The following ACSS3 variants were observed in gnomAD, a reference collection of about 807,000 sequenced individuals.
ACSS3 encodes acyl-CoA synthetase short chain family member 3, also known as acyl-CoA synthetase short-chain family member 3, mitochondrial.
In ACSS3, 64 loss-of-function variants were observed where a neutral mutation model predicts 84.2. That is an observed-to-expected ratio of 0.76 (90% CI 0.62 to 0.94). The LOEUF (loss-of-function observed/expected upper bound fraction) is 0.94. ACSS3 is among the 40% of genes least tolerant of loss of function. The pLI, the probability that ACSS3 is intolerant of heterozygous loss-of-function variation, is 0.00. For synonymous variants in ACSS3, 317 were observed against 310.1 expected (o/e 1.02, Z -0.23); for missense variants, 815 against 867.6 (o/e 0.94, Z 0.76).
intron 15 of ACSS3, 82 bp downstream of exon 15, chr12:81,253,752 G>A (rs1005306424): frequency 1.9e-5 from 26 of 1,401,022 alleles, no homozygotes; most frequent in Non-Finnish European, 2.1e-5. Context: ...CTTAAAAATG[G>A]TTCTCAAATG....
intron 7 of ACSS3, among the ~76,000 whole-genome samples, chr12:81,152,978 C>A (rs1886685373): frequency 1.3e-5 from 2 of 151,958 alleles, no homozygotes; most frequent in African/African-American, 4.8e-5. Context: ...AAATACTTAC[C>A]ATGTGCAATG....
intron 11 of ACSS3, among the ~76,000 whole-genome samples, chr12:81,225,417 G>C (rs192853669): frequency 1.1e-3 from 172 of 151,832 alleles, no homozygotes; most frequent in Middle Eastern, 3.4e-3. Context: ...TTGCTTTTCA[G>C]ACTGATCCTC....
chr12:81,223,151 C>G (rs902279954), intron 11 of ACSS3, among the ~76,000 whole-genome samples: 9 of 151,996 alleles, frequency 5.9e-5, no homozygotes, highest in East Asian at 1.9e-4. Context: ...GTTATTAAAG[C>G]CATAGGTCTC....
At chr12:81,197,578 A>T (rs549264041) in intron 8 of ACSS3, among the ~76,000 whole-genome samples, 3 of 152,170 alleles carry the variant, frequency 2.0e-5, no homozygotes, top group African/African-American at 7.2e-5. Context: ...GTGATTTTTA[A>T]TACTATCTTG....
intron 1 of ACSS3, among the ~76,000 whole-genome samples, chr12:81,093,464 CA>C (rs11308483): frequency 0.33 from 45,865 of 140,808 alleles, 7,115 homozygotes; most frequent in Admixed American, 0.45. Flanking sequence ...CCACCGCCAC[CA>C]AAAAAAAAAA....
chr12:81,254,311 T>C (rs1035172853), intron 15 of ACSS3, among the ~76,000 whole-genome samples: 1 of 152,180 alleles, frequency 6.6e-6, no homozygotes, highest in Non-Finnish European at 1.5e-5. Flanking sequence ...AAAAGGTACA[T>C]TTTCCTTATT....
At chr12:81,101,234 T>A (rs1187804475) in intron 1 of ACSS3, among the ~76,000 whole-genome samples, 1 of 152,176 alleles carries the variant, frequency 6.6e-6, no homozygotes, top group African/African-American at 2.4e-5. Flanking sequence ...TTTTATTTGA[T>A]TATAATTAAG....
At chr12:81,215,337 A>G (rs1383534345) in intron 9 of ACSS3, among the ~76,000 whole-genome samples, 1 of 152,044 alleles carries the variant, frequency 6.6e-6, no homozygotes, top group Non-Finnish European at 1.5e-5. Flanking sequence ...CTCAGCAGTG[A>G]CCATATGGCT....
chr12:81,159,359 TAA>T (rs1372222079), intron 7 of ACSS3, among the ~76,000 whole-genome samples: 1 of 151,986 alleles, frequency 6.6e-6, no homozygotes, highest in Non-Finnish European at 1.5e-5. Context: ...GAAAGAATAA[TAA>T]AGTTACCAAA....
At chr12:81,090,841 G>A (rs922036378) in intron 1 of ACSS3, among the ~76,000 whole-genome samples, 1 of 151,928 alleles carries the variant, frequency 6.6e-6, no homozygotes, top group South Asian at 2.1e-4. Context: ...GTGGGGGATT[G>A]GTTCCAGAAC....
intron 5 of ACSS3, among the ~76,000 whole-genome samples, chr12:81,145,258 C>A (rs889735558): frequency 3.3e-5 from 5 of 151,882 alleles, no homozygotes; most frequent in African/African-American, 1.2e-4. Context: ...CCTTTCAATG[C>A]CTAAATGGAA....
intron 2 of ACSS3, among the ~76,000 whole-genome samples, chr12:81,133,786 C>T (rs1885647804): frequency 6.6e-6 from 1 of 151,934 alleles, no homozygotes; most frequent in African/African-American, 2.4e-5. Flanking sequence ...TAAGTACTTG[C>T]AGGGTAGAGA....
intron 12 of ACSS3, among the ~76,000 whole-genome samples, chr12:81,231,550 A>C (rs1456878077): frequency 6.6e-6 from 1 of 151,872 alleles, no homozygotes; most frequent in Middle Eastern, 3.2e-3. Flanking sequence ...TTATATGAGC[A>C]AAATCCATTC....
Position 81,256,469 on chromosome 12 carries a change from A to T in ACSS3, c.*1547A>T, listed in dbSNP as rs1039977941. On this transcript the variant is annotated 3_prime_UTR_variant, in exon 16 of 16. Coordinates refer to ENST00000548058, the MANE Select transcript of ACSS3 (RefSeq NM_024560.4). ...AAATATTTGATTTACTTAGGGATCT[A>T]TATGACATCAGTTATCAAAGAATAC... 3.9e-5 allele frequency: 6 copies of T among 152,190 alleles called. No individual in the cohort carries two copies. Among genetic ancestry groups the T allele is most frequent in the African/African-American group, 1.4e-4 (6 of 41,460 alleles). The allele number at this position is 152,190 out of a possible 1,614,324, so 9.4% of individuals were successfully genotyped here. A position where few individuals can be genotyped will look rare whatever the true frequency, so the allele number is the denominator to read the frequency against.
At chr12:81,157,303 T>G (rs1886923365) in intron 7 of ACSS3, among the ~76,000 whole-genome samples, 1 of 152,224 alleles carries the variant, frequency 6.6e-6, no homozygotes, top group African/African-American at 2.4e-5. Flanking sequence ...AAATTCAACA[T>G]TCATTCATAA....
chr12:81,121,425 C>CTT (rs773484389), intron 2 of ACSS3, among the ~76,000 whole-genome samples: 2 of 147,552 alleles, frequency 1.4e-5, no homozygotes, highest in African/African-American at 5.0e-5. Context: ...ACCAATTTGG[C>CTT]TTTTTTTTTT....
intron 2 of ACSS3, among the ~76,000 whole-genome samples, chr12:81,132,923 A>G (rs1220294978): frequency 6.6e-6 from 1 of 152,104 alleles, no homozygotes; most frequent in Non-Finnish European, 1.5e-5. Flanking sequence ...CAGGGGTTGC[A>G]CACTGAGATG....
chr12:81,184,193 A>G (rs981399880), intron 8 of ACSS3, among the ~76,000 whole-genome samples: 2 of 152,002 alleles, frequency 1.3e-5, no homozygotes, highest in Admixed American at 6.6e-5. Flanking sequence ...TGAACAATCA[A>G]TGGGTCAAAG....
chr12:81,174,882 G>C lies in ACSS3; in HGVS notation c.1193G>C (p.Arg398Thr). The C allele has an allele frequency of 6.2e-7, 1 of 1,613,968 alleles. No homozygotes were observed. Among genetic ancestry groups the C allele is most frequent in the Non-Finnish European group, 8.5e-7 (1 of 1,179,910 alleles). The change falls in exon 8 of 16, where the codon AGA (arginine) becomes ACA (threonine). Residue 398 changes from arginine (R) to threonine (T), a missense_variant. Arg to Thr is a moderately conservative substitution (Grantham distance 71, BLOSUM62 -1). Coordinates refer to ENST00000548058, the MANE Select transcript of ACSS3 (RefSeq NM_024560.4). ...AALFTAPTAI[R>T]AIRQQDPGAA... The stretch of plus-strand genomic sequence containing the variant: ...TTGTTTACAGCACCAACTGCAATTA[G>C]AGCAATCCGTCAACAGGACCCTGGG...
Sources: gnomAD v4.1 joint callset for allele counts (sites outside exome capture counted in the v4.1 genomes callset) on GRCh38, gnomAD v4.1.1 for gene constraint, MANE v1.5 for transcripts, NCBI Gene and HGNC (gene_info 2026-07-23, HGNC 2026-07-21) for gene names.